Variants in MREG observed in about 807,000 individuals in gnomAD.
MREG encodes the protein dilute suppressor protein homolog.
MREG carries 31 observed loss-of-function variants against 28.5 expected under a neutral mutation model. The observed-to-expected ratio is 1.09, with a 90% CI of 0.82 to 1.47. The LOEUF (loss-of-function observed/expected upper bound fraction) is 1.47. Ranked by LOEUF, MREG falls within the 40% of genes most tolerant of loss-of-function variation. The probability of loss-of-function intolerance (pLI) is 0.00; values close to 1 mark genes in which losing one functional copy is unlikely to be tolerated. For missense variants in MREG, 256 were observed against 257.4 expected, an observed-to-expected ratio of 0.99 and a Z score of 0.04; for synonymous variants, 106 against 95.2, an observed-to-expected ratio of 1.11 and a Z score of -0.66.
chr2:216,027,107 C>T (rs1375415627), intron 1 of MREG, among the ~76,000 whole-genome samples: 1 of 152,070 alleles, frequency 6.6e-6, no homozygotes, highest in Non-Finnish European at 1.5e-5. Context: ...AATAATTATC[C>T]GTTTGCAAAG....
intron 2 of MREG, among the ~76,000 whole-genome samples, chr2:215,974,914 T>G (rs764798242): frequency 6.8e-6 from 1 of 147,074 alleles, no homozygotes; most frequent in Non-Finnish European, 1.5e-5. Flanking sequence ...ACACCCACAG[T>G]AAATCAAAGC....
At chr2:215,970,325 A>T (rs1265623926) in intron 2 of MREG, among the ~76,000 whole-genome samples, 3 of 152,160 alleles carry the variant, frequency 2.0e-5, no homozygotes, top group African/African-American at 7.2e-5. Context: ...CCAACCCTTC[A>T]TCTCAGACTT....
chr2:216,031,699 A>AAGAGAG (rs1361608055), intron 1 of MREG, among the ~76,000 whole-genome samples: 1 of 127,494 alleles, frequency 7.8e-6, no homozygotes, highest in African/African-American at 2.8e-5. Flanking sequence ...AAGAGAAAGA[A>AAGAGAG]AGAAAGAAAG....
chr2:215,990,792 C>T (rs779712604), intron 2 of MREG, among the ~76,000 whole-genome samples: 2 of 152,142 alleles, frequency 1.3e-5, no homozygotes, highest in African/African-American at 2.4e-5. Flanking sequence ...TCAAAAAAGA[C>T]GAAGAAGGGC....
chr2:215,940,380 G>A (rs899963559), downstream of MREG, among the ~76,000 whole-genome samples: 1 of 152,188 alleles, frequency 6.6e-6, no homozygotes, highest in Non-Finnish European at 1.5e-5. Context: ...AAAGTGATCC[G>A]AGGAAATGAA....
intron 2 of MREG, among the ~76,000 whole-genome samples, chr2:215,979,745 G>A (rs1693368231): frequency 1.3e-5 from 2 of 151,738 alleles, no homozygotes; most frequent in Non-Finnish European, 1.5e-5. Flanking sequence ...CTTATAGGAG[G>A]TGCCTTGACT....
At chr2:215,996,276 G>T (rs191356008) in intron 2 of MREG, 30 bp downstream of exon 2, 1 of 1,602,278 alleles carries the variant, frequency 6.2e-7, no homozygotes, top group Non-Finnish European at 8.5e-7. Flanking sequence ...AGCATCATCC[G>T]CGCACAGCAA....
At chr2:215,975,424 C>T (rs1693229040) in intron 2 of MREG, among the ~76,000 whole-genome samples, 1 of 152,148 alleles carries the variant, frequency 6.6e-6, no homozygotes, top group Admixed American at 6.5e-5. Flanking sequence ...GACAGCAAAA[C>T]TGCTGGATGA....
At chr2:215,994,571 G>A (rs1405464044) in intron 2 of MREG, among the ~76,000 whole-genome samples, 1 of 150,770 alleles carries the variant, frequency 6.6e-6, no homozygotes, top group African/African-American at 2.5e-5. Flanking sequence ...AAAAAAAAGA[G>A]GGAGAAGAGG....
chr2:215,963,278 G>A (rs1413838047), intron 2 of MREG, among the ~76,000 whole-genome samples: 1 of 151,416 alleles, frequency 6.6e-6, no homozygotes, highest in East Asian at 1.9e-4. Flanking sequence ...GGGCAACATG[G>A]TGAAAACCCC....
At chr2:215,957,923 G>A (rs1271937075) in intron 2 of MREG, among the ~76,000 whole-genome samples, 2 of 152,090 alleles carry the variant, frequency 1.3e-5, no homozygotes, top group Admixed American at 6.5e-5. Context: ...ATACTACGCA[G>A]CCATAAAAAA....
At chr2:215,967,265 T>C (rs953242018) in intron 2 of MREG, among the ~76,000 whole-genome samples, 3 of 152,186 alleles carry the variant, frequency 2.0e-5, no homozygotes, top group African/African-American at 7.2e-5. Context: ...GTCAACATGA[T>C]AGGCTTCAGA....
At chr2:216,030,089 G>A (rs1392552775) in intron 1 of MREG, among the ~76,000 whole-genome samples, 1 of 152,040 alleles carries the variant, frequency 6.6e-6, no homozygotes, top group South Asian at 2.1e-4. Flanking sequence ...CAGGTTAAAA[G>A]GTTATAAAGA....
chr2:216,027,593 T>C (rs1006583807), intron 1 of MREG, among the ~76,000 whole-genome samples: 1 of 152,206 alleles, frequency 6.6e-6, no homozygotes, highest in East Asian at 1.9e-4. Flanking sequence ...CTTGGGAGGT[T>C]GAGGCATGAG....
intron 2 of MREG, among the ~76,000 whole-genome samples, chr2:215,986,861 TA>T (rs1693585139): frequency 2.0e-5 from 3 of 152,346 alleles, no homozygotes; most frequent in African/African-American, 7.2e-5. Flanking sequence ...GGTATGTCTT[TA>T]TTAGCAGCAT....
At chr2:215,986,828 G>C (rs1190327899) in intron 2 of MREG, among the ~76,000 whole-genome samples, 2 of 152,160 alleles carry the variant, frequency 1.3e-5, no homozygotes, top group Non-Finnish European at 1.5e-5. Context: ...AAACCTCTTT[G>C]CTTTATAAAT....
At chr2:216,032,459 T>C (rs1479121403) in intron 1 of MREG, among the ~76,000 whole-genome samples, 1 of 152,226 alleles carries the variant, frequency 6.6e-6, no homozygotes, top group Non-Finnish European at 1.5e-5. Flanking sequence ...GTTGACCCAG[T>C]TGGCTTATGC....
chr2:215,985,235 A>G (rs565657682), intron 2 of MREG, among the ~76,000 whole-genome samples: 1 of 152,384 alleles, frequency 6.6e-6, no homozygotes, highest in African/African-American at 2.4e-5. Flanking sequence ...AGTTGTATCC[A>G]TATTTCATTA....
At chr2:215,960,604 G>T (rs569745810) in intron 2 of MREG, among the ~76,000 whole-genome samples, 26 of 152,198 alleles carry the variant, frequency 1.7e-4, no homozygotes, top group Admixed American at 1.6e-3. Flanking sequence ...GGGAGGCTGA[G>T]GCGGGCGGAT....
Sources: allele counts gnomAD v4.1 joint callset (sites outside exome capture counted in the v4.1 genomes callset), GRCh38; gene constraint gnomAD v4.1.1; transcripts MANE v1.5; gene names NCBI Gene and HGNC (gene_info 2026-07-23, HGNC 2026-07-21).